The following HACL1 variants were observed in gnomAD, a reference collection of about 807,000 sequenced individuals.
HACL1 encodes the protein 1600020H07Rik.
HACL1 carries 64 observed loss-of-function variants against 74.2 expected under a neutral mutation model. The observed-to-expected ratio is 0.86, with a 90% CI of 0.70 to 1.06. The LOEUF (loss-of-function observed/expected upper bound fraction) is 1.06, where lower values mean the gene tolerates loss of function less well. Ranked by LOEUF, HACL1 falls within the 50% of genes least tolerant of loss-of-function variation. The pLI is 0.00. For missense variants in HACL1, 728 were observed against 719.7 expected, an observed-to-expected ratio of 1.01 and a Z score of -0.13; for synonymous variants, 230 against 238.8, an observed-to-expected ratio of 0.96 and a Z score of 0.34.
intron 3 of HACL1, among the ~76,000 whole-genome samples, chr3:15,593,658 C>G (rs768042126): frequency 2.0e-5 from 3 of 152,054 alleles, no homozygotes; most frequent in Non-Finnish European, 4.4e-5. Flanking sequence ...AAATTTTTGA[C>G]TGCTGAGTTC....
chr3:15,591,236 T>C (rs575037618), intron 4 of HACL1, among the ~76,000 whole-genome samples: 1 of 152,198 alleles, frequency 6.6e-6, no homozygotes, highest in Admixed American at 6.5e-5. Context: ...AATTAACATA[T>C]TCATGTTACT....
Position 15,579,999 on chromosome 3 carries a change from C to T in HACL1, c.714G>A (p.Glu238=). The part of the protein sequence containing the change: ...HAEESIKKLV[E]QYKLPFLPTP... ...TGGGCAAAAATGGCAGTTTATATTGCTCCACCAATTTCTTGATACTCTCTT... is the reference window on the plus strand; with the variant it reads ...TGGGCAAAAATGGCAGTTTATATTGTTCCACCAATTTCTTGATACTCTCTT... The change falls in exon 9 of 17, where the codon GAG becomes GAA. Residue 238 remains glutamate (E), a synonymous_variant. Transcript: ENST00000321169. 1 of 1,609,740 alleles carries T rather than the reference C, an allele frequency of 6.2e-7. No individual in the cohort carries two copies. The highest frequency in any genetic ancestry group is 8.5e-7 in the Non-Finnish European group (1 of 1,176,088).
intron 3 of HACL1, among the ~76,000 whole-genome samples, chr3:15,592,238 G>A (rs1032009058): frequency 1.4e-5 from 2 of 146,766 alleles, no homozygotes; most frequent in Non-Finnish European, 3.0e-5. Context: ...ACGTATATAC[G>A]TATACATACG....
In HACL1 at chr3:15,591,679, G is replaced by T; in HGVS notation, c.229C>A (p.Pro77Thr). 6.2e-7 allele frequency: 1 copy of T among 1,604,624 alleles called. No individual in the cohort carries two copies. The highest frequency in any genetic ancestry group is 1.7e-5 in the Admixed American group (1 of 59,756). The change falls in exon 4 of 17, where the codon CCA becomes ACA. Residue 77 changes from proline to threonine, a missense_variant and splice_region_variant. Physicochemically the swap from Pro to Thr is conservative, Grantham distance 38. Transcript: ENST00000321169. ...ASAIGYLTSR[P>T]GVCLVVSGPG... is the part of the protein sequence containing the mutation. ...CCAGAAACAACAAGGCAGACTCCTG[G>T]CCTAAAAGCAAAACAGAATTTATTA...
At chr3:15,582,185 A>T (rs189052428) in intron 8 of HACL1, among the ~76,000 whole-genome samples, 1 of 152,366 alleles carries the variant, frequency 6.6e-6, no homozygotes, top group Admixed American at 6.5e-5. Flanking sequence ...AATGGATACT[A>T]TAATAAATTG....
At position 15,567,977 on chromosome 3, in the gene HACL1, T is replaced by C. The variant is rs1457722342; in HGVS notation, c.1276A>G (p.Met426Val). The stretch of plus-strand genomic sequence containing the variant: ...ATAGCAAATCCCAAACCAACTCCCA[T>C]TGTTCCGAAAGTACCAGCATCAAGC... The part of the protein sequence containing the change: ...HRLDAGTFGT[M>V]GVGLGFAIAA... Residue 426 changes from methionine to valine, a missense_variant, in exon 14 of 17, where the codon ATG becomes GTG. By Grantham distance (21) the Met-to-Val change is conservative (BLOSUM62 1). Coordinates refer to ENST00000321169, the MANE Select transcript of HACL1 (RefSeq NM_012260.4). The C allele has an allele frequency of 1.2e-6, 2 of 1,614,166 alleles. No homozygotes were observed. The highest frequency in any genetic ancestry group is 1.7e-6 in the Non-Finnish European group (2 of 1,180,008).
At chr3:15,575,424 A>C (rs1381839236) in intron 9 of HACL1, among the ~76,000 whole-genome samples, 1 of 152,192 alleles carries the variant, frequency 6.6e-6, no homozygotes, top group Non-Finnish European at 1.5e-5. Flanking sequence ...TCACCCCATA[A>C]TACTTTCAAC....
intron 2 of HACL1, 85 bp downstream of exon 2, chr3:15,601,005 C>T (rs1484156906): frequency 2.5e-6 from 2 of 799,308 alleles, no homozygotes; most frequent in Non-Finnish European, 4.5e-6. Context: ...GAGTGGTAAG[C>T]GCTATCTGGG....
At chr3:15,592,636 G>A in intron 3 of HACL1, among the ~76,000 whole-genome samples, 1 of 20,030 alleles carries the variant, frequency 5.0e-5, no homozygotes, top group African/African-American at 2.1e-4. Context: ...GTACGCACAT[G>A]TGTGCGTGTA....
intron 10 of HACL1, among the ~76,000 whole-genome samples, chr3:15,574,412 G>C (rs765022902): frequency 3.3e-5 from 5 of 152,092 alleles, no homozygotes; most frequent in Non-Finnish European, 7.4e-5. Flanking sequence ...GGGCGAATCC[G>C]TGTAGGGCAA....
chr3:15,591,917 G>A (rs1197106358), intron 3 of HACL1, among the ~76,000 whole-genome samples: 1 of 148,972 alleles, frequency 6.7e-6, no homozygotes, highest in Non-Finnish European at 1.5e-5. Context: ...TATGTATATA[G>A]TGTATATATA....
At chr3:15,562,622 C>T (rs79835493) in intron 16 of HACL1, among the ~76,000 whole-genome samples, 1,642 of 152,044 alleles carry the variant, frequency 0.011, 100 homozygotes, top group Admixed American at 0.086. Flanking sequence ...ACAAACTGTT[C>T]GCACGGAAGA....
At chr3:15,593,150 CAT>C (rs1274639321) in intron 3 of HACL1, among the ~76,000 whole-genome samples, 24 of 148,092 alleles carry the variant, frequency 1.6e-4, no homozygotes, top group East Asian at 6.0e-4. Context: ...TATATACACA[CAT>C]ACACACATAC....
chr3:15,598,495 GTT>G (rs1472537501), intron 2 of HACL1, among the ~76,000 whole-genome samples: 1 of 152,148 alleles, frequency 6.6e-6, no homozygotes. Context: ...CTAAATCTCT[GTT>G]TCTTCATCTA....
intron 3 of HACL1, among the ~76,000 whole-genome samples, chr3:15,592,488 G>A (rs1216615522): frequency 8.4e-6 from 1 of 119,758 alleles, no homozygotes; most frequent in African/African-American, 3.7e-5. Flanking sequence ...ACATACACTT[G>A]TATACATATA....
intron 15 of HACL1, among the ~76,000 whole-genome samples, 200 bp downstream of exon 15, chr3:15,564,351 G>C (rs895607507): frequency 1.3e-5 from 2 of 152,206 alleles, no homozygotes; most frequent in South Asian, 4.1e-4. Context: ...GTGGCTCCCT[G>C]ATTATTTACT....
In HACL1 at chr3:15,564,843, T is replaced by C. The variant is rs939006073; in HGVS notation, c.1410-185A>G. Reference sequence around the variant, plus strand: ...TATCAAATAATTAACAGAAACATCATGGAAAGGCAGAAAGAATGCAAGATT... The same window carrying C: ...TATCAAATAATTAACAGAAACATCACGGAAAGGCAGAAAGAATGCAAGATT... On this transcript the variant is annotated intron_variant, in intron 14 of 16. Transcript: ENST00000321169. Among the ~76,000 whole-genome samples, 18 of 152,244 alleles carry C rather than the reference T, an allele frequency of 1.2e-4. 4 individuals carry two copies. The highest frequency in any genetic ancestry group is 2.0e-4 in the Admixed American group (3 of 15,300).
At chr3:15,593,876 C>T (rs1156356076) in intron 3 of HACL1, among the ~76,000 whole-genome samples, 1 of 149,260 alleles carries the variant, frequency 6.7e-6, no homozygotes, top group African/African-American at 2.5e-5. Flanking sequence ...CGGCTCACTG[C>T]AACCTCCGCC....
At position 15,585,294 on chromosome 3, in the gene HACL1, T is replaced by C. The variant is rs755885411; in HGVS notation, c.508A>G (p.Ile170Val). ...YGRPGACYVD[I>V]PADFVNLQVN... Reference sequence around the variant, plus strand: ...TGAAGGTTCACAAAATCTGCTGGTATGTCAACATAGCAAGCACCTGGACGA... The same window carrying C: ...TGAAGGTTCACAAAATCTGCTGGTACGTCAACATAGCAAGCACCTGGACGA... Residue 170 changes from isoleucine to valine, a missense_variant, in exon 7 of 17, where the codon ATA becomes GTA. Transcript: ENST00000321169. The C allele has an allele frequency of 8.0e-5, 128 of 1,605,976 alleles. No homozygotes were observed. Among genetic ancestry groups the C allele is most frequent in the Non-Finnish European group, 7.4e-5 (87 of 1,172,710 alleles).
Sources: allele counts gnomAD v4.1 joint callset (sites outside exome capture counted in the v4.1 genomes callset), GRCh38; gene constraint gnomAD v4.1.1; transcripts MANE v1.5; gene names NCBI Gene and HGNC (gene_info 2026-07-23, HGNC 2026-07-21).